Variants in HLCS observed in about 807,000 individuals in gnomAD.
HLCS encodes holocarboxylase synthetase.
A neutral mutation model predicts 75.0 loss-of-function variants in HLCS; 53 were observed. The ratio of observed to expected loss-of-function variants is 0.71; its 90% CI spans 0.57 to 0.89. The LOEUF (loss-of-function observed/expected upper bound fraction) is 0.89, where lower values mean the gene tolerates loss of function less well. Among genes scored for constraint, HLCS ranks in the 40% least tolerant of loss-of-function variants. HLCS has a pLI of 0.00. For missense variants in HLCS, 966 were observed against 1,074.0 expected, an observed-to-expected ratio of 0.90 and a Z score of 1.41; for synonymous variants, 431 against 428.6, an observed-to-expected ratio of 1.01 and a Z score of -0.07.
chr21:36,874,518 C>A (rs988336855), intron 6 of HLCS, among the ~76,000 whole-genome samples: 3 of 152,146 alleles, frequency 2.0e-5, no homozygotes, highest in African/African-American at 7.2e-5. Context: ...AATGCCAGTA[C>A]CATATAGCTT....
At chr21:36,772,979 C>CAAA (rs35402890) in intron 6 of HLCS, among the ~76,000 whole-genome samples, 11 of 103,480 alleles carry the variant, frequency 1.1e-4, no homozygotes, top group African/African-American at 2.1e-4. Flanking sequence ...GACTCCATCT[C>CAAA]AAAAAAAAAA....
At chr21:36,941,630 A>C (rs147956143) in intron 2 of HLCS, among the ~76,000 whole-genome samples, 2 of 152,150 alleles carry the variant, frequency 1.3e-5, no homozygotes, top group Non-Finnish European at 2.9e-5. Context: ...TAATCCCAAC[A>C]CTTTGGGAGG....
At chr21:36,850,414 C>G (rs2062951985) in intron 6 of HLCS, among the ~76,000 whole-genome samples, 1 of 152,166 alleles carries the variant, frequency 6.6e-6, no homozygotes. Context: ...ACACTGGGTA[C>G]TAGGTAACCC....
chr21:36,959,594 G>A (rs543171634), intron 2 of HLCS, among the ~76,000 whole-genome samples: 33 of 152,278 alleles, frequency 2.2e-4, no homozygotes, highest in African/African-American at 7.7e-4. Context: ...TGAGAACTTA[G>A]AGTGCTTTTT....
intron 6 of HLCS, among the ~76,000 whole-genome samples, chr21:36,894,673 C>G (rs916606108): frequency 6.6e-6 from 1 of 152,108 alleles, no homozygotes; most frequent in Non-Finnish European, 1.5e-5. Flanking sequence ...ATAATCAAAC[C>G]AAACAAGAAG....
Position 36,793,711 on chromosome 21 carries a change from T to C in HLCS, c.1893-26426A>G, listed in dbSNP as rs538997705. The stretch of plus-strand genomic sequence containing the variant: ...ATATTAAAACAAACATGTACCAGAA[T>C]TATGGAGTAAAAATTATGCAAAATT... On this transcript the variant is annotated intron_variant, in intron 6 of 10. Transcript: ENST00000674895. Among the ~76,000 whole-genome samples, 96 of 152,268 alleles carry C rather than the reference T, an allele frequency of 6.3e-4. 1 individual carries two copies. In the South Asian group the frequency reaches 0.02, roughly 32 times the overall value.
chr21:36,964,155 G>A (rs2068449227), intron 1 of HLCS, among the ~76,000 whole-genome samples: 2 of 152,214 alleles, frequency 1.3e-5, no homozygotes, highest in Admixed American at 1.3e-4. Flanking sequence ...AACCTGGGAG[G>A]TGGAGATTGC....
intron 6 of HLCS, among the ~76,000 whole-genome samples, chr21:36,820,422 C>T (rs1183119930): frequency 6.6e-6 from 1 of 152,236 alleles, no homozygotes; most frequent in Non-Finnish European, 1.5e-5. Flanking sequence ...AGGAAGCCCC[C>T]CTCCCCCACA....
intron 6 of HLCS, among the ~76,000 whole-genome samples, chr21:36,893,760 CCTA>C (rs1012334222): frequency 3.9e-5 from 6 of 152,236 alleles, no homozygotes; most frequent in Admixed American, 1.3e-4. Context: ...GCACCACTCA[CCTA>C]CTGCTGCGCC....
chr21:36,963,629 G>C lies in HLCS; in HGVS notation c.196-1459C>G, dbSNP rs1210987872. 2.0e-5 allele frequency among the ~76,000 whole-genome samples: 3 copies of C among 152,220 alleles called. No homozygotes were observed. In the East Asian group the frequency reaches 5.8e-4, roughly 29 times the overall value. On this transcript the variant is annotated intron_variant, in intron 1 of 10. Transcript: ENST00000674895. ...TAGCCGGGCATGGTGGTGCATGCCT[G>C]TAATCCCAGCTACTCGGGAGGCTAA...
chr21:36,860,412 A>G (rs1740846605), intron 6 of HLCS, among the ~76,000 whole-genome samples: 1 of 151,280 alleles, frequency 6.6e-6, no homozygotes, highest in African/African-American at 2.4e-5. Flanking sequence ...CAAACTAGCC[A>G]CTAAAAGTGG....
chr21:36,773,780 G>T (rs1266636027), intron 6 of HLCS, among the ~76,000 whole-genome samples: 1 of 152,146 alleles, frequency 6.6e-6, no homozygotes, highest in South Asian at 2.1e-4. Flanking sequence ...TTTTAAAAAA[G>T]CTGACTGGAA....
chr21:36,859,259 G>T (rs2063305275), intron 6 of HLCS, among the ~76,000 whole-genome samples: 1 of 152,186 alleles, frequency 6.6e-6, no homozygotes, highest in Non-Finnish European at 1.5e-5. Context: ...CTGACCTCGT[G>T]ATCTGCCCCG....
rs565016948 is a variant in HLCS, at chr21:36,753,940, C to T, written c.*306G>A. 2.2e-6 allele frequency: 1 copy of T among 454,094 alleles called. No homozygotes were observed. The highest frequency in any genetic ancestry group is 2.2e-5 in the South Asian group (1 of 45,986). The allele number at this position is 454,094 out of a possible 1,614,324, so 28.1% of individuals were successfully genotyped here. A position where few individuals can be genotyped will look rare whatever the true frequency, so the allele number is the denominator to read the frequency against. ...GAAAATATCTGAATTTTCCCATTGT[C>T]ATTTCCATGTAAAAACTCCCCTTGA... On this transcript the variant is annotated 3_prime_UTR_variant, in exon 11 of 11. Transcript: ENST00000674895. This position sits in a 1 kb window ranked among gnomAD's most constrained non-coding sequence, Gnocchi z 4.3.
chr21:36,830,051 G>T (rs2062146399), intron 6 of HLCS, among the ~76,000 whole-genome samples: 1 of 152,188 alleles, frequency 6.6e-6, no homozygotes, highest in Non-Finnish European at 1.5e-5. Context: ...ATTCAGGTGG[G>T]TCCTAATCCA....
At chr21:36,948,239 C>T (rs995653834) in intron 2 of HLCS, 1 of 147,768 alleles carries the variant, frequency 6.8e-6, no homozygotes, top group African/African-American at 2.5e-5. Flanking sequence ...TGTGGTGAGC[C>T]GAGACCACAC....
chr21:36,891,940 C>T (rs549300696), intron 6 of HLCS, among the ~76,000 whole-genome samples: 239 of 152,108 alleles, frequency 1.6e-3, no homozygotes, highest in Non-Finnish European at 2.6e-3. Flanking sequence ...CCCAAGCCCA[C>T]GGTTTCATTT....
intron 6 of HLCS, 189 bp downstream of exon 6, chr21:36,896,671 T>C (rs969152320): frequency 1.4e-5 from 9 of 647,514 alleles, no homozygotes; most frequent in South Asian, 1.2e-4. Context: ...AAAACAAACC[T>C]GTGATCAAAG....
chr21:36,953,820 T>G (rs896415181), intron 2 of HLCS, among the ~76,000 whole-genome samples: 1 of 152,138 alleles, frequency 6.6e-6, no homozygotes, highest in African/African-American at 2.4e-5. Context: ...ATTTGTAAAT[T>G]TAATACAGTC....
Sources: allele counts gnomAD v4.1 joint callset (sites outside exome capture counted in the v4.1 genomes callset), GRCh38; gene constraint gnomAD v4.1.1; non-coding constraint Gnocchi (gnomAD v3.1); transcripts MANE v1.5; gene names NCBI Gene and HGNC (gene_info 2026-07-23, HGNC 2026-07-21).